Variants in RSAD2 observed in about 807,000 individuals in gnomAD.
The protein encoded by RSAD2 is S-adenosylmethionine-dependent nucleotide dehydratase RSAD2.
Under a neutral mutation model 37.7 loss-of-function variants are expected in RSAD2, and 38 were observed. The ratio of observed to expected loss-of-function variants is 1.01; its 90% CI spans 0.78 to 1.32. RSAD2 has a LOEUF of 1.32. Among genes scored for constraint, RSAD2 ranks in the 40% most tolerant of loss-of-function variants. The pLI, the probability that RSAD2 is intolerant of heterozygous loss-of-function variation, is 0.00. For synonymous variants in RSAD2, 163 were observed against 157.4 expected (o/e 1.04, Z -0.27); for missense variants, 428 against 437.5 (o/e 0.98, Z 0.19).
At chr2:6,880,162 C>T (rs369956756) in intron 1 of RSAD2, among the ~76,000 whole-genome samples, 8 of 152,156 alleles carry the variant, frequency 5.3e-5, no homozygotes, top group African/African-American at 1.4e-4. Flanking sequence ...TTGTATTTTC[C>T]TGTAAGAGAG....
intron 4 of RSAD2, among the ~76,000 whole-genome samples, chr2:6,890,881 T>C (rs985004634): frequency 2.6e-5 from 4 of 152,242 alleles, no homozygotes; most frequent in African/African-American, 9.6e-5. Context: ...ATGTCTACAC[T>C]GTGGAGCTTC....
intron 5 of RSAD2, 37 bp from the exon 6 acceptor site, chr2:6,895,741 C>T: frequency 6.3e-7 from 1 of 1,578,940 alleles, no homozygotes; most frequent in South Asian, 1.1e-5. Context: ...GGATTCATCA[C>T]ATGGAAATAT....
At chr2:6,877,728 C>G (rs745475524), upstream of RSAD2, 224 of 1,152,856 alleles carry the variant, frequency 1.9e-4, no homozygotes, top group Non-Finnish European at 2.6e-4. Context: ...TGCTCAGAGA[C>G]TGCTGATTTC....
chr2:6,888,409 T>A (rs916032050), intron 3 of RSAD2, among the ~76,000 whole-genome samples: 6 of 152,140 alleles, frequency 3.9e-5, no homozygotes, highest in Non-Finnish European at 8.8e-5. Flanking sequence ...AGAGGTCTGA[T>A]AGGAAAAACA....
upstream of RSAD2, among the ~76,000 whole-genome samples, chr2:6,876,123 T>C (rs1384946790): frequency 6.6e-6 from 1 of 152,298 alleles, no homozygotes; most frequent in Admixed American, 6.5e-5. Context: ...CCAGGCAGGT[T>C]GAATTTGAAA....
At chr2:6,868,328 GTTTAA>G (rs2103233574) in intron 1 of RSAD2, among the ~76,000 whole-genome samples, 1 of 152,228 alleles carries the variant, frequency 6.6e-6, no homozygotes, top group African/African-American at 2.4e-5. Context: ...TTTCTAGGTA[GTTTAA>G]TTCAATTGGA....
chr2:6,884,465 A>C (rs943711420), intron 2 of RSAD2, among the ~76,000 whole-genome samples: 29 of 152,180 alleles, frequency 1.9e-4, no homozygotes, highest in Middle Eastern at 3.2e-3. Context: ...AACTTTGGGA[A>C]CCATACTCAG....
At position 6,890,259 on chromosome 2, in the gene RSAD2, A is replaced by G. The variant is rs1322020740; in HGVS notation, c.822A>G (p.Glu274=). The G allele has an allele frequency of 1.9e-6, 3 of 1,614,112 alleles. No homozygotes were observed. The highest frequency in any genetic ancestry group is 2.2e-5 in the South Asian group (2 of 91,088). The change falls in exon 4 of 6, where the codon GAA becomes GAG. Residue 274 remains glutamate (E), a synonymous_variant. Transcript: ENST00000382040. Reference sequence around the variant, plus strand: ...CAGAAAGATTTGTTATTGGTGATGAAGAATTTGAAAGATTCTTGGAGCGCC... The same window carrying G: ...CAGAAAGATTTGTTATTGGTGATGAGGAATTTGAAAGATTCTTGGAGCGCC... ...REAERFVIGD[E]EFERFLERHK...
upstream of RSAD2, among the ~76,000 whole-genome samples, chr2:6,875,346 C>T (rs977451417): frequency 3.3e-5 from 5 of 152,254 alleles, no homozygotes; most frequent in South Asian, 2.1e-4. Context: ...TTCCCCTACT[C>T]GAATTATTCA....
intron 4 of RSAD2, among the ~76,000 whole-genome samples, chr2:6,891,257 A>G (rs1663623658): frequency 6.6e-6 from 1 of 152,226 alleles, no homozygotes; most frequent in East Asian, 1.9e-4. Context: ...ATTCAAGGAA[A>G]TACAAAATAA....
rs756093562 is a variant in RSAD2 at position 6,890,264 on chromosome 2, T to G, written c.827T>G (p.Phe276Cys). 11 of 1,614,060 alleles carry G rather than the reference T, an allele frequency of 6.8e-6. No homozygotes were observed. The South Asian group carries it at 1.1e-4, about 16-fold the overall frequency. Residue 276 changes from phenylalanine (F) to cysteine (C), a missense_variant, in exon 4 of 6, where the codon TTT becomes TGT. Coordinates refer to ENST00000382040, the MANE Select transcript of RSAD2 (RefSeq NM_080657.5). ...AERFVIGDEE[F>C]ERFLERHKEV... ...AGATTTGTTATTGGTGATGAAGAAT[T>G]TGAAAGATTCTTGGAGCGCCACAAA... is the stretch of plus-strand genomic sequence containing the variant.
At position 6,877,999 on chromosome 2, in the gene RSAD2, C is replaced by T. The variant is rs771669807; in HGVS notation, c.199C>T (p.Pro67Ser). The T allele has an allele frequency of 1.2e-5, 19 of 1,614,040 alleles. No individual in the cohort carries two copies. In the South Asian group the frequency reaches 1.5e-4, roughly 13 times the overall value. Residue 67 changes from proline (P) to serine (S), a missense_variant, in exon 1 of 6, where the codon CCT (proline) becomes TCT (serine). Pro to Ser is a moderately conservative substitution (Grantham distance 74). Transcript: ENST00000382040. The stretch of plus-strand genomic sequence containing the variant: ...GACCAAAGAGGAGGAAGAGGACCCT[C>T]CTCTGCCCACCACCCCAACCAGCGT... The part of the protein sequence containing the change: ...DETKEEEEDP[P>S]LPTTPTSVNY...
At chr2:6,870,714 AC>A (rs1663188307) in intron 1 of RSAD2, among the ~76,000 whole-genome samples, 5 of 152,098 alleles carry the variant, frequency 3.3e-5, no homozygotes, top group Admixed American at 3.3e-4. Context: ...GCTGGAGAGG[AC>A]TTTCCCTGTT....
At chr2:6,885,637 A>G (rs1422428391) in intron 2 of RSAD2, among the ~76,000 whole-genome samples, 1 of 152,242 alleles carries the variant, frequency 6.6e-6, no homozygotes, top group Admixed American at 6.5e-5. Context: ...AAAGCTGAGG[A>G]CAGGAGGATA....
In RSAD2 at chr2:6,896,180, C is replaced by G; in HGVS notation, c.*238C>G. 1 of 410,010 alleles carries G rather than the reference C, an allele frequency of 2.4e-6. No homozygotes were observed. The allele number at this position is 410,010 out of a possible 1,614,324, so 25.4% of individuals were successfully genotyped here. ...GCTTATAACCTTGTTGTTATTGAAA[C>G]AGCACTTCTGTTTTTGAGTTTGTTT... On this transcript the variant is annotated 3_prime_UTR_variant, in exon 6 of 6. Coordinates refer to ENST00000382040, the MANE Select transcript of RSAD2 (RefSeq NM_080657.5).
upstream of RSAD2, among the ~76,000 whole-genome samples, chr2:6,873,063 G>A (rs765910990): frequency 9.9e-5 from 15 of 152,084 alleles, no homozygotes; most frequent in Admixed American, 7.2e-4. Flanking sequence ...TTCTTTTTGC[G>A]TGGCCACAAT....
At chr2:6,870,538 C>G (rs1306627397) in intron 1 of RSAD2, among the ~76,000 whole-genome samples, 1 of 152,118 alleles carries the variant, frequency 6.6e-6, no homozygotes, top group Non-Finnish European at 1.5e-5. Context: ...ATTTTTTCCC[C>G]CATAGGTCTC....
intron 5 of RSAD2, among the ~76,000 whole-genome samples, chr2:6,894,856 T>G (rs1663705668): frequency 6.6e-6 from 1 of 152,230 alleles, no homozygotes; most frequent in Non-Finnish European, 1.5e-5. Context: ...AGGAAAACAT[T>G]TAGTTTCTGG....
At chr2:6,865,895 C>T in exon 1 of RSAD2, 1 of 1,409,362 alleles carries the variant, frequency 7.1e-7, no homozygotes, top group South Asian at 1.4e-5. Flanking sequence ...CTCTCCTCCT[C>T]GCCGCGAGAT....
Sources: gnomAD v4.1 joint callset for allele counts (sites outside exome capture counted in the v4.1 genomes callset) on GRCh38, gnomAD v4.1.1 for gene constraint, MANE v1.5 for transcripts, NCBI Gene and HGNC (gene_info 2026-07-23, HGNC 2026-07-21) for gene names.